The following CSMD1 variants were observed in gnomAD, a reference collection of about 807,000 sequenced individuals.
The protein encoded by CSMD1 is CUB and Sushi multiple domains 1.
CSMD1 carries 213 observed loss-of-function variants against 417.5 expected under a neutral mutation model. That is an observed-to-expected ratio of 0.51 (90% CI 0.46 to 0.57). CSMD1 has a LOEUF of 0.57. Ranked by LOEUF, CSMD1 falls within the 20% of genes least tolerant of loss-of-function variation. The pLI is 0.00. For missense variants in CSMD1, 6,923 were observed against 4,529.7 expected (o/e 1.53, Z -15.17); for synonymous variants, 2,862 against 1,736.8 (o/e 1.65, Z -16.11).
At chr8:3,863,876 A>G (rs917091456) in intron 5 of CSMD1, among the ~76,000 whole-genome samples, 13 of 152,180 alleles carry the variant, frequency 8.5e-5, no homozygotes, top group African/African-American at 3.1e-4. Flanking sequence ...TCAGTTTCAA[A>G]GATTCGTATG....
chr8:4,638,002 C>A (rs1036936808), intron 1 of CSMD1, among the ~76,000 whole-genome samples: 42 of 152,114 alleles, frequency 2.8e-4, no homozygotes, highest in African/African-American at 9.7e-4. Flanking sequence ...ATAATTCTTG[C>A]ACAAATATTG....
intron 3 of CSMD1, among the ~76,000 whole-genome samples, chr8:4,134,694 C>T (rs1014575929): frequency 3.3e-5 from 5 of 152,306 alleles, no homozygotes; most frequent in African/African-American, 1.2e-4. Flanking sequence ...CCTTTGATTT[C>T]TGTGAACCAC....
In CSMD1 at chr8:4,428,063, A is replaced by G. The variant is rs73658885; in HGVS notation, c.303-7998T>C. ...GCTATTGTTAAGACATGAAGGTTAC[A>G]TGTCTCGTTTTCATATCAGACAATA... On this transcript the variant is annotated intron_variant, in intron 2 of 69. Coordinates refer to ENST00000635120, the MANE Select transcript of CSMD1 (RefSeq NM_033225.6). Among the ~76,000 whole-genome samples the G allele has an allele frequency of 1.9e-3, 292 of 152,294 alleles. 2 individuals are homozygous for G. Among genetic ancestry groups the G allele is most frequent in the African/African-American group, 6.8e-3 (284 of 41,574 alleles).
chr8:3,997,081 T>G (rs1815276403), intron 5 of CSMD1, among the ~76,000 whole-genome samples: 1 of 152,240 alleles, frequency 6.6e-6, no homozygotes, highest in Non-Finnish European at 1.5e-5. Context: ...TCTTGTTTAG[T>G]CATATTTCAA....
intron 1 of CSMD1, among the ~76,000 whole-genome samples, chr8:4,965,843 T>C (rs905339106): frequency 5.9e-5 from 9 of 152,094 alleles, no homozygotes; most frequent in African/African-American, 9.7e-5. Flanking sequence ...TTCATGTTGA[T>C]TGGAGGATAA....
chr8:3,955,058 G>C (rs910932729), intron 5 of CSMD1, among the ~76,000 whole-genome samples: 1 of 152,142 alleles, frequency 6.6e-6, no homozygotes, highest in East Asian at 1.9e-4. Context: ...GAGGCAATGC[G>C]ATAATTATGA....
At chr8:4,522,164 C>T (rs977882532) in intron 2 of CSMD1, among the ~76,000 whole-genome samples, 14 of 151,984 alleles carry the variant, frequency 9.2e-5, no homozygotes, top group African/African-American at 2.2e-4. Context: ...GGGCTGTTCT[C>T]GTGATAGTGA....
chr8:3,500,501 C>A lies in CSMD1; in HGVS notation c.1345-6775G>T, dbSNP rs111882363. Reference sequence around the variant, plus strand: ...TCTGTCAGAGTATCAAAGGAAGGCACGTGAAAAGAAGAGGAATGAGGATGA... The same window carrying A: ...TCTGTCAGAGTATCAAAGGAAGGCAAGTGAAAAGAAGAGGAATGAGGATGA... On this transcript the variant is annotated intron_variant, in intron 10 of 69. Coordinates refer to ENST00000635120, the MANE Select transcript of CSMD1 (RefSeq NM_033225.6). Among the ~76,000 whole-genome samples, 5 of 151,906 alleles carry A rather than the reference C, an allele frequency of 3.3e-5. 1 individual carries two copies. The highest frequency in any genetic ancestry group is 1.2e-4 in the African/African-American group (5 of 41,408).
intron 46 of CSMD1, among the ~76,000 whole-genome samples, chr8:3,100,792 A>G (rs1265026599): frequency 6.6e-6 from 1 of 152,210 alleles, no homozygotes; most frequent in Non-Finnish European, 1.5e-5. Flanking sequence ...TCTAGGATTA[A>G]TAGCATAAAT....
rs200190072 is a variant in CSMD1, at chr8:3,429,247, G to A, written c.1562-19642C>T. ...AGATGATGCAAATGCTACGAACCTT[G>A]ATTTGACCATTTCACAATGTAAATA... On this transcript the variant is annotated intron_variant, in intron 12 of 69. Transcript: ENST00000635120. Among the ~76,000 whole-genome samples the A allele has an allele frequency of 3.3e-5, 5 of 152,276 alleles. No individual in the cohort carries two copies. In the East Asian group the frequency reaches 9.6e-4, roughly 29 times the overall value.
At chr8:4,375,968 A>T (rs1044279315) in intron 3 of CSMD1, among the ~76,000 whole-genome samples, 3 of 152,194 alleles carry the variant, frequency 2.0e-5, no homozygotes, top group African/African-American at 7.2e-5. Context: ...GGCCTTGCCA[A>T]TGCTGCTTAT....
chr8:2,987,570 C>A (rs188190171), intron 54 of CSMD1, among the ~76,000 whole-genome samples: 1 of 152,094 alleles, frequency 6.6e-6, no homozygotes, highest in Non-Finnish European at 1.5e-5. Context: ...TACTTCTCTT[C>A]GGATATAACT....
At chr8:4,226,261 C>T in intron 3 of CSMD1, among the ~76,000 whole-genome samples, 1 of 152,102 alleles carries the variant, frequency 6.6e-6, no homozygotes, top group East Asian at 1.9e-4. Flanking sequence ...GTATTAACAC[C>T]TTCAAAAGTA....
chr8:4,238,024 G>A (rs1465030348), intron 3 of CSMD1, among the ~76,000 whole-genome samples: 2 of 152,158 alleles, frequency 1.3e-5, no homozygotes, highest in Non-Finnish European at 2.9e-5. Flanking sequence ...ACCACATCAT[G>A]TGCTTTCCAG....
At chr8:3,070,007 G>A (rs981473590) in intron 49 of CSMD1, among the ~76,000 whole-genome samples, 13 of 152,316 alleles carry the variant, frequency 8.5e-5, no homozygotes, top group Middle Eastern at 3.4e-3. Context: ...CCTTCGGAAC[G>A]GGGTCTGAGC....
intron 9 of CSMD1, among the ~76,000 whole-genome samples, chr8:3,581,681 G>A (rs1038893540): frequency 6.6e-6 from 1 of 152,182 alleles, no homozygotes; most frequent in Non-Finnish European, 1.5e-5. Flanking sequence ...CAGACCAGGG[G>A]CATTTTATTG....
chr8:3,323,103 C>T (rs1007872578), intron 23 of CSMD1, among the ~76,000 whole-genome samples: 4 of 152,166 alleles, frequency 2.6e-5, no homozygotes, highest in Non-Finnish European at 5.9e-5. Flanking sequence ...ATTTATCTTT[C>T]CACCTCTAAC....
chr8:4,423,571 T>C (rs993538066), intron 2 of CSMD1, among the ~76,000 whole-genome samples: 1 of 152,054 alleles, frequency 6.6e-6, no homozygotes, highest in Admixed American at 6.6e-5. Context: ...AATGGACAGA[T>C]ATACCATGTT....
chr8:3,521,800 T>TTC (rs1797519934), intron 10 of CSMD1, among the ~76,000 whole-genome samples: 2 of 152,334 alleles, frequency 1.3e-5, no homozygotes, highest in Admixed American at 1.3e-4. Context: ...AAAGAATGGA[T>TTC]TCTCTGTATA....
Sources: gnomAD v4.1 joint callset for allele counts (sites outside exome capture counted in the v4.1 genomes callset) on GRCh38, gnomAD v4.1.1 for gene constraint, MANE v1.5 for transcripts, NCBI Gene and HGNC (gene_info 2026-07-23, HGNC 2026-07-21) for gene names.